Variants in RFX3 observed in about 807,000 individuals in gnomAD.
RFX3 encodes the protein regulatory factor X3, also known as transcription factor RFX3.
RFX3 carries 14 observed loss-of-function variants against 98.6 expected under a neutral mutation model. That is an observed-to-expected ratio of 0.14 (90% CI 0.09 to 0.22). The LOEUF is 0.22. Ranked by LOEUF, RFX3 falls within the 10% of genes least tolerant of loss-of-function variation. RFX3 has a pLI of 1.00. For synonymous variants in RFX3, 383 were observed against 328.4 expected (o/e 1.17, Z -1.80); for missense variants, 639 against 926.9 (o/e 0.69, Z 4.03).
intron 2 of RFX3, among the ~76,000 whole-genome samples, chr9:3,360,355 C>A (rs7029544): frequency 0.17 from 26,320 of 151,948 alleles, 4,755 homozygotes; most frequent in African/African-American, 0.46. Context: ...TGCAATTTCA[C>A]TAATTAAGTG....
At chr9:3,238,690 T>C (rs1819507290) in intron 15 of RFX3, among the ~76,000 whole-genome samples, 1 of 152,188 alleles carries the variant, frequency 6.6e-6, no homozygotes, top group South Asian at 2.1e-4. Context: ...ACAAATAATA[T>C]ATAGCTCTGC....
chr9:3,242,402 A>T (rs1313337772), intron 15 of RFX3, among the ~76,000 whole-genome samples: 1 of 151,422 alleles, frequency 6.6e-6, no homozygotes, highest in Admixed American at 6.6e-5. Flanking sequence ...CTCTTCCATG[A>T]TTGTTTTTTT....
chr9:3,301,457 T>G, intron 5 of RFX3, 89 bp downstream of exon 5: 1 of 876,930 alleles, frequency 1.1e-6, no homozygotes, highest in Non-Finnish European at 1.8e-6. Context: ...GCAAAATAAA[T>G]AAGTAAATAA....
intron 6 of RFX3, among the ~76,000 whole-genome samples, chr9:3,292,078 A>AAAAAAAC (rs1563872567): frequency 2.2e-4 from 31 of 141,962 alleles, no homozygotes; most frequent in Non-Finnish European, 4.4e-4. Flanking sequence ...AAAAAAAAAA[A>AAAAAAAC]AAAAAAAAAA....
Position 3,281,420 on chromosome 9 carries a change from A to G in RFX3, c.852-3959T>C, listed in dbSNP as rs1825898763. Among the ~76,000 whole-genome samples, 3 of 151,542 alleles carry G rather than the reference A, an allele frequency of 2.0e-5. No individual in the cohort carries two copies. In the South Asian group the frequency reaches 6.2e-4, roughly 31 times the overall value. ...TCCTTTAAAAATACTGAACTTTTTA[A>G]TATTTAAGAGTATTTTCCTCCCTTT... is the stretch of plus-strand genomic sequence containing the variant. On this transcript the variant is annotated intron_variant, in intron 7 of 16. Transcript: ENST00000617270.
intron 1 of RFX3, among the ~76,000 whole-genome samples, chr9:3,504,427 G>A: frequency 8.0e-6 from 1 of 125,642 alleles, no homozygotes; most frequent in South Asian, 2.4e-4. Flanking sequence ...ATACCACATA[G>A]TATATATTGT....
At chr9:3,317,371 A>C (rs1233047024) in intron 4 of RFX3, among the ~76,000 whole-genome samples, 1 of 152,240 alleles carries the variant, frequency 6.6e-6, no homozygotes, top group Non-Finnish European at 1.5e-5. Context: ...AATTAATTCA[A>C]GATGGATTAA....
intron 5 of RFX3, among the ~76,000 whole-genome samples, chr9:3,298,668 A>G (rs1828293938): frequency 6.6e-6 from 1 of 151,796 alleles, no homozygotes; most frequent in Admixed American, 6.6e-5. Flanking sequence ...TTCTCTTAAG[A>G]ATATGTTGAA....
chr9:3,432,715 T>G (rs895306677), intron 1 of RFX3, among the ~76,000 whole-genome samples: 1 of 152,102 alleles, frequency 6.6e-6, no homozygotes, highest in Non-Finnish European at 1.5e-5. Flanking sequence ...AATGCCAGAT[T>G]ATGAGGAAGA....
At chr9:3,296,851 C>T (rs1047711296) in intron 5 of RFX3, among the ~76,000 whole-genome samples, 1 of 152,102 alleles carries the variant, frequency 6.6e-6, no homozygotes, top group Admixed American at 6.6e-5. Flanking sequence ...CCTAGAAATT[C>T]ACTGTATTAA....
intron 4 of RFX3, among the ~76,000 whole-genome samples, chr9:3,313,744 G>A (rs1209068801): frequency 6.6e-6 from 1 of 152,192 alleles, no homozygotes; most frequent in Non-Finnish European, 1.5e-5. Context: ...TTCAGTAGCC[G>A]ATTTGATTAA....
At chr9:3,400,294 G>C in intron 1 of RFX3, 1 of 611,012 alleles carries the variant, frequency 1.6e-6, no homozygotes, top group Non-Finnish European at 2.0e-6. Flanking sequence ...GAATCTTATA[G>C]AATAGAGTAG....
chr9:3,414,698 G>C (rs1347591558), intron 1 of RFX3, among the ~76,000 whole-genome samples: 1 of 68,606 alleles, frequency 1.5e-5, no homozygotes, highest in Admixed American at 1.5e-4. Context: ...ATGTATATAT[G>C]AGTATATATG....
At chr9:3,394,686 T>C (rs966997470) in intron 2 of RFX3, 1 of 276,058 alleles carries the variant, frequency 3.6e-6, no homozygotes, top group Non-Finnish European at 5.5e-6. Flanking sequence ...AAGAGCAACG[T>C]TTGCTAAAGA....
intron 16 of RFX3, 95 bp from the exon 17 acceptor site, chr9:3,225,375 C>T (rs188304951): frequency 8.0e-5 from 121 of 1,514,496 alleles, no homozygotes; most frequent in East Asian, 7.7e-4. Flanking sequence ...TAGGACATTA[C>T]GAAAGCAACA....
intron 9 of RFX3, among the ~76,000 whole-genome samples, chr9:3,274,742 T>C (rs1824968727): frequency 6.6e-6 from 1 of 152,104 alleles, no homozygotes; most frequent in African/African-American, 2.4e-5. Context: ...AACAGGTCTG[T>C]TGAAAAGTTG....
chr9:3,284,850 T>A (rs1000927885), intron 7 of RFX3, among the ~76,000 whole-genome samples: 2 of 151,732 alleles, frequency 1.3e-5, no homozygotes, highest in Non-Finnish European at 2.9e-5. Context: ...CTCTATGACA[T>A]CTGCTTTCCA....
intron 6 of RFX3, among the ~76,000 whole-genome samples, chr9:3,289,129 T>C (rs1239481377): frequency 5.9e-5 from 9 of 152,260 alleles, no homozygotes; most frequent in African/African-American, 2.2e-4. Context: ...CACAAGTCCA[T>C]ATATAGCAAT....
intron 15 of RFX3, among the ~76,000 whole-genome samples, chr9:3,234,863 G>A (rs886572865): frequency 1.3e-5 from 2 of 152,196 alleles, no homozygotes; most frequent in African/African-American, 4.8e-5. Flanking sequence ...ATAAGGACTT[G>A]GGTCACAGGA....
Sources: allele counts gnomAD v4.1 joint callset (sites outside exome capture counted in the v4.1 genomes callset), GRCh38; gene constraint gnomAD v4.1.1; transcripts MANE v1.5; gene names NCBI Gene and HGNC (gene_info 2026-07-23, HGNC 2026-07-21).